UVRAG: variants seen among roughly 807,000 people sequenced by gnomAD.
The protein encoded by UVRAG is UV radiation resistance-associated gene protein.
A neutral mutation model predicts 78.0 loss-of-function variants in UVRAG; 19 were observed. The ratio of observed to expected loss-of-function variants is 0.24; its 90% CI spans 0.17 to 0.36. The LOEUF is 0.36. Among genes scored for constraint, UVRAG ranks in the 10% least tolerant of loss-of-function variants. The probability of loss-of-function intolerance (pLI) is 1.00; values close to 1 mark genes in which losing one functional copy is unlikely to be tolerated. For synonymous variants in UVRAG, 323 were observed against 324.6 expected (o/e 1.00, Z 0.05); for missense variants, 740 against 853.8 (o/e 0.87, Z 1.66).
At chr11:75,878,992 A>G (rs1019547286) in intron 3 of UVRAG, among the ~76,000 whole-genome samples, 7 of 152,136 alleles carry the variant, frequency 4.6e-5, no homozygotes, top group African/African-American at 1.7e-4. Flanking sequence ...GATGTATTAC[A>G]TTGTAGTTCA....
rs576483321 is a variant in UVRAG at position 75,981,266 on chromosome 11, C to T, written c.700-2121C>T. ...AGCTGGGATTACAGGTGCCCACTAC[C>T]GTGCCCGGCTAATTTTTATATTTTT... On this transcript the variant is annotated intron_variant, in intron 7 of 14. Transcript: ENST00000356136. 5.9e-5 allele frequency among the ~76,000 whole-genome samples: 9 copies of T among 152,028 alleles called. No homozygotes were observed. The South Asian group carries it at 1.9e-3, about 32-fold the overall frequency.
At chr11:75,980,782 A>C (rs1274463115) in intron 7 of UVRAG, among the ~76,000 whole-genome samples, 2 of 151,622 alleles carry the variant, frequency 1.3e-5, no homozygotes, top group East Asian at 3.9e-4. Context: ...CCCAGGTTCA[A>C]GCAATTCTCC....
At chr11:76,021,813 G>A (rs1950250469) in intron 12 of UVRAG, among the ~76,000 whole-genome samples, 1 of 152,162 alleles carries the variant, frequency 6.6e-6, no homozygotes, top group Admixed American at 6.5e-5. Flanking sequence ...CAGCACTCTG[G>A]GAGGCCAAGG....
chr11:75,955,470 A>G (rs1343273714), intron 6 of UVRAG, among the ~76,000 whole-genome samples: 1 of 152,202 alleles, frequency 6.6e-6, no homozygotes, highest in African/African-American at 2.4e-5. Context: ...TAAGAAAATG[A>G]ACCTCTCATA....
Position 75,815,390 on chromosome 11 carries a change from G to T in UVRAG, c.-18G>T. ...CGGAAGAGTGCCCGCCCCGCCGCTT[G>T]GCGGCCCCTGGATCGAGATGAGCGC... On this transcript the variant is annotated 5_prime_UTR_variant, in exon 1 of 15. Transcript: ENST00000356136. 1 of 1,215,512 alleles carries T rather than the reference G, an allele frequency of 8.2e-7. No homozygotes were observed. Among genetic ancestry groups the T allele is most frequent in the Non-Finnish European group, 1.0e-6 (1 of 967,280 alleles). The allele number at this position is 1,215,512 out of a possible 1,614,324, so 75.3% of individuals were successfully genotyped here.
At chr11:76,038,935 A>T (rs796214440) in intron 12 of UVRAG, among the ~76,000 whole-genome samples, 1 of 152,234 alleles carries the variant, frequency 6.6e-6, no homozygotes, top group Middle Eastern at 3.2e-3. Context: ...CCTGAGCTAC[A>T]CATGAGAAGC....
chr11:76,002,023 G>A (rs891998212), intron 8 of UVRAG, among the ~76,000 whole-genome samples: 4 of 152,110 alleles, frequency 2.6e-5, no homozygotes, highest in African/African-American at 9.7e-5. Flanking sequence ...TCTTAAACAT[G>A]GACATCATTG....
chr11:76,022,549 C>T (rs1950264780), intron 12 of UVRAG, among the ~76,000 whole-genome samples: 1 of 152,152 alleles, frequency 6.6e-6, no homozygotes, highest in African/African-American at 2.4e-5. Context: ...CTTATAACAA[C>T]TTTTGACCAA....
intron 1 of UVRAG, among the ~76,000 whole-genome samples, chr11:75,841,762 T>C (rs965985539): frequency 5.9e-5 from 9 of 152,230 alleles, no homozygotes; most frequent in African/African-American, 2.2e-4. Flanking sequence ...TTCCCCACTT[T>C]GTTGTCCTTA....
At chr11:76,060,450 T>C (rs543241387) in intron 12 of UVRAG, among the ~76,000 whole-genome samples, 1 of 152,348 alleles carries the variant, frequency 6.6e-6, no homozygotes, top group East Asian at 1.9e-4. Context: ...CTGCCTGGGC[T>C]CCCACTTTGG....
chr11:75,815,602 C>T (rs1245495403), intron 1 of UVRAG, 78 bp downstream of exon 1: 1 of 956,992 alleles, frequency 1.0e-6, no homozygotes, highest in Admixed American at 4.3e-5. Flanking sequence ...CCGGGCTGAC[C>T]CCGCGAGCCG....
At chr11:75,880,699 C>T (rs1291820795) in intron 4 of UVRAG, among the ~76,000 whole-genome samples, 1 of 152,052 alleles carries the variant, frequency 6.6e-6, no homozygotes, top group Non-Finnish European at 1.5e-5. Context: ...GGATTACAGG[C>T]ATGTGCCACC....
chr11:75,884,240 T>TTCTCTCTCTCTC (rs767650431), intron 4 of UVRAG, among the ~76,000 whole-genome samples: 3 of 132,468 alleles, frequency 2.3e-5, no homozygotes, highest in African/African-American at 9.7e-5. Flanking sequence ...CTCTCTCTCT[T>TTCTCTCTCTCTC]TCTCTCTCTC....
intron 8 of UVRAG, among the ~76,000 whole-genome samples, chr11:75,991,655 A>G (rs1053394407): frequency 1.3e-5 from 2 of 152,146 alleles, no homozygotes; most frequent in East Asian, 3.9e-4. Context: ...CAATCACTGA[A>G]TAATACTACA....
chr11:75,966,258 A>T (rs560868851), intron 7 of UVRAG, among the ~76,000 whole-genome samples: 4 of 152,002 alleles, frequency 2.6e-5, no homozygotes, highest in Admixed American at 6.5e-5. Context: ...ATTCTTATAA[A>T]TTTTTTTCCT....
intron 12 of UVRAG, among the ~76,000 whole-genome samples, chr11:76,032,191 G>T (rs976716589): frequency 6.6e-6 from 1 of 152,166 alleles, no homozygotes; most frequent in Non-Finnish European, 1.5e-5. Flanking sequence ...TCTCATAATA[G>T]TTCTCTAGAC....
At chr11:76,061,507 T>C (rs867411172) in intron 12 of UVRAG, among the ~76,000 whole-genome samples, 16 of 152,134 alleles carry the variant, frequency 1.1e-4, no homozygotes, top group Admixed American at 9.8e-4. Flanking sequence ...ACACTGTGTT[T>C]ATGAGCTGTA....
chr11:76,138,534 C>T (rs1227632497), intron 14 of UVRAG, among the ~76,000 whole-genome samples: 1 of 152,196 alleles, frequency 6.6e-6, no homozygotes, highest in Non-Finnish European at 1.5e-5. Flanking sequence ...CTACAAACAC[C>T]CTGTTCCTCT....
At chr11:76,010,155 C>T (rs1013376591) in intron 11 of UVRAG, among the ~76,000 whole-genome samples, 7 of 152,092 alleles carry the variant, frequency 4.6e-5, no homozygotes, top group Admixed American at 6.5e-5. Context: ...AAGCCCATGG[C>T]GCATCATTTT....
Sources: gnomAD v4.1 joint callset for allele counts (sites outside exome capture counted in the v4.1 genomes callset) on GRCh38, gnomAD v4.1.1 for gene constraint, MANE v1.5 for transcripts, NCBI Gene and HGNC (gene_info 2026-07-23, HGNC 2026-07-21) for gene names.